NEK11: variants seen among roughly 807,000 people sequenced by gnomAD.
NEK11 encodes the protein serine/threonine-protein kinase Nek11.
Under a neutral mutation model 80.7 loss-of-function variants are expected in NEK11, and 72 were observed. The observed-to-expected ratio is 0.89, with a 90% CI of 0.74 to 1.08. The LOEUF (loss-of-function observed/expected upper bound fraction) is 1.08. Ranked by LOEUF, NEK11 falls within the 50% of genes least tolerant of loss-of-function variation. The pLI is 0.00. For synonymous variants in NEK11, 251 were observed against 260.7 expected (o/e 0.96, Z 0.36); for missense variants, 764 against 763.6 (o/e 1.00, Z -0.01).
At chr3:131,235,680 C>A (rs1580659640) in intron 15 of NEK11, among the ~76,000 whole-genome samples, 1 of 152,140 alleles carries the variant, frequency 6.6e-6, no homozygotes. Context: ...TTGTGCCAAA[C>A]CCTTTACATG....
chr3:131,092,408 G>T (rs2076866178), intron 4 of NEK11, among the ~76,000 whole-genome samples: 1 of 152,086 alleles, frequency 6.6e-6, no homozygotes, highest in Non-Finnish European at 1.5e-5. Context: ...CTTAACAGAG[G>T]CCACCATGAA....
At chr3:131,039,053 G>T (rs1441702647) in intron 3 of NEK11, among the ~76,000 whole-genome samples, 1 of 152,134 alleles carries the variant, frequency 6.6e-6, no homozygotes, top group Non-Finnish European at 1.5e-5. Flanking sequence ...AATTTTTAAA[G>T]TGCAAGATTT....
intron 17 of NEK11, among the ~76,000 whole-genome samples, chr3:131,287,563 T>C (rs567759418): frequency 5.3e-5 from 8 of 152,296 alleles, no homozygotes; most frequent in African/African-American, 1.9e-4. Context: ...AGTGAGCCAC[T>C]GCGCCCTGCC....
intron 4 of NEK11, among the ~76,000 whole-genome samples, chr3:131,096,925 C>G (rs1379874080): frequency 1.5e-5 from 2 of 134,574 alleles, no homozygotes; most frequent in Non-Finnish European, 3.1e-5. Flanking sequence ...GTGATGTTCC[C>G]CTTCCTGTGT....
intron 12 of NEK11, among the ~76,000 whole-genome samples, chr3:131,168,345 T>A (rs1404932311): frequency 4.4e-4 from 67 of 151,320 alleles, no homozygotes; most frequent in African/African-American, 1.3e-3. Flanking sequence ...TTCTTTTTTT[T>A]TTTTTATTTT....
chr3:131,276,906 A>G (rs894342738), intron 17 of NEK11, among the ~76,000 whole-genome samples: 1 of 152,144 alleles, frequency 6.6e-6, no homozygotes, highest in Non-Finnish European at 1.5e-5. Flanking sequence ...CATTACACTC[A>G]GTTGCTATGT....
intron 17 of NEK11, among the ~76,000 whole-genome samples, chr3:131,307,450 G>T (rs895529574): frequency 3.3e-5 from 5 of 152,182 alleles, no homozygotes; most frequent in Non-Finnish European, 5.9e-5. Context: ...CATATGTGTA[G>T]CACATTTTGC....
chr3:131,308,506 A>G (rs78912046), intron 17 of NEK11, among the ~76,000 whole-genome samples: 3,210 of 152,252 alleles, frequency 0.021, 115 homozygotes, highest in African/African-American at 0.073. Flanking sequence ...AGTGAACACA[A>G]TAAATTTACA....
At chr3:131,305,248 G>A (rs758864654) in intron 17 of NEK11, among the ~76,000 whole-genome samples, 4 of 152,190 alleles carry the variant, frequency 2.6e-5, no homozygotes, top group African/African-American at 4.8e-5. Context: ...CTAACAAAAC[G>A]GCAAAGGGAA....
chr3:131,143,235 C>G (rs2087359080), intron 7 of NEK11, among the ~76,000 whole-genome samples: 1 of 152,138 alleles, frequency 6.6e-6, no homozygotes, highest in Non-Finnish European at 1.5e-5. Flanking sequence ...TGCATTCACC[C>G]TGCTTTTGGA....
intron 4 of NEK11, among the ~76,000 whole-genome samples, chr3:131,105,215 G>C (rs369895859): frequency 6.6e-6 from 1 of 151,818 alleles, no homozygotes; most frequent in Non-Finnish European, 1.5e-5. Flanking sequence ...TACCTAAAAG[G>C]TAAAAACAAA....
intron 3 of NEK11, among the ~76,000 whole-genome samples, chr3:131,039,176 G>GT (rs72327932): frequency 0.15 from 23,332 of 151,740 alleles, 1,849 homozygotes; most frequent in Non-Finnish European, 0.17. Flanking sequence ...TACCTTGTAG[G>GT]TTTTTTTTCC....
chr3:131,336,154 T>C, intron 17 of NEK11, among the ~76,000 whole-genome samples: 1 of 152,102 alleles, frequency 6.6e-6, no homozygotes, highest in Non-Finnish European at 1.5e-5. Context: ...AGAGCCCGCA[T>C]CACCAAGTCA....
At chr3:131,038,218 G>T (rs1560120168) in intron 3 of NEK11, among the ~76,000 whole-genome samples, 3 of 152,120 alleles carry the variant, frequency 2.0e-5, no homozygotes, top group Admixed American at 1.3e-4. Context: ...GGTAAATATA[G>T]AAAGAGTACA....
chr3:131,145,992 G>C (rs2088137153), intron 7 of NEK11, among the ~76,000 whole-genome samples: 1 of 152,002 alleles, frequency 6.6e-6, no homozygotes, highest in African/African-American at 2.4e-5. Flanking sequence ...GTTACCATTT[G>C]TGTTATTGAT....
At chr3:131,259,211 A>G (rs1428827122) in intron 16 of NEK11, among the ~76,000 whole-genome samples, 2 of 152,102 alleles carry the variant, frequency 1.3e-5, no homozygotes, top group South Asian at 2.1e-4. Context: ...CTCCTAGACC[A>G]TCTTCTTCCT....
chr3:131,323,620 G>C (rs1349170216), intron 17 of NEK11, among the ~76,000 whole-genome samples: 1 of 152,204 alleles, frequency 6.6e-6, no homozygotes, highest in Non-Finnish European at 1.5e-5. Flanking sequence ...GTTTGAATGA[G>C]AAATTCGTGA....
intron 14 of NEK11, among the ~76,000 whole-genome samples, chr3:131,178,315 T>C (rs917748643): frequency 6.6e-6 from 1 of 152,230 alleles, no homozygotes; most frequent in Admixed American, 6.5e-5. Context: ...TCTTCAACAG[T>C]AAATTAACCT....
intron 14 of NEK11, among the ~76,000 whole-genome samples, chr3:131,185,346 A>G (rs1391882203): frequency 6.6e-6 from 1 of 152,156 alleles, no homozygotes; most frequent in Non-Finnish European, 1.5e-5. Flanking sequence ...ACTATGATGC[A>G]GGTCTGACAC....
Sources: allele counts gnomAD v4.1 joint callset (sites outside exome capture counted in the v4.1 genomes callset), GRCh38; gene constraint gnomAD v4.1.1; transcripts MANE v1.5; gene names NCBI Gene and HGNC (gene_info 2026-07-23, HGNC 2026-07-21).